The following SPATS2L variants were observed in gnomAD, a reference collection of about 807,000 sequenced individuals.
SPATS2L encodes the protein SPATS2-like protein.
Under a neutral mutation model 59.6 loss-of-function variants are expected in SPATS2L, and 30 were observed. The ratio of observed to expected loss-of-function variants is 0.50; its 90% CI spans 0.38 to 0.68. SPATS2L has a LOEUF of 0.68. SPATS2L is among the 30% of genes least tolerant of loss of function. The pLI is 0.00. For synonymous variants in SPATS2L, 252 were observed against 263.5 expected (o/e 0.96, Z 0.42); for missense variants, 615 against 700.0 (o/e 0.88, Z 1.37).
intron 4 of SPATS2L, among the ~76,000 whole-genome samples, chr2:200,412,635 A>G (rs935742944): frequency 6.6e-6 from 1 of 151,758 alleles, no homozygotes; most frequent in African/African-American, 2.4e-5. Context: ...GACACACTCA[A>G]TAAGAATAGA....
chr2:200,369,761 C>T (rs980975453), intron 2 of SPATS2L, among the ~76,000 whole-genome samples: 3 of 151,890 alleles, frequency 2.0e-5, no homozygotes, highest in East Asian at 3.9e-4. Context: ...CTAGTGATGT[C>T]GAGTTTTGTG....
In SPATS2L at chr2:200,418,626, G is replaced by A. The variant is rs143653379; in HGVS notation, c.199-624G>A. On this transcript the variant is annotated intron_variant, in intron 5 of 12. Transcript: ENST00000409140. The stretch of plus-strand genomic sequence containing the variant: ...AAATAAATAAATAAATAATCATGGG[G>A]ATGATTATGGATCCTGTGGCTACCT... Among the ~76,000 whole-genome samples the A allele has an allele frequency of 1.4e-3, 201 of 141,282 alleles. 4 individuals are homozygous for A. In the East Asian group the frequency reaches 0.038, roughly 27 times the overall value. The allele number at this position is 141,282 out of a possible 152,430, so 92.7% of individuals were successfully genotyped here.
intron 2 of SPATS2L, among the ~76,000 whole-genome samples, chr2:200,338,051 G>T (rs1248442294): frequency 2.6e-5 from 4 of 152,082 alleles, no homozygotes; most frequent in African/African-American, 4.8e-5. Context: ...TTGAGACGGG[G>T]TCTCACTCTG....
In SPATS2L at chr2:200,479,803, A is replaced by T; in HGVS notation, c.*1772A>T. 2.5e-6 allele frequency: 1 copy of T among 398,612 alleles called. No individual in the cohort carries two copies. The allele number at this position is 398,612 out of a possible 1,614,324, so 24.7% of individuals were successfully genotyped here. On this transcript the variant is annotated 3_prime_UTR_variant, in exon 13 of 13. Coordinates refer to ENST00000409140, the MANE Select transcript of SPATS2L (RefSeq NM_001100423.2). ...AGCTGAGCCTGCAAGCCACGCAAGC[A>T]TCTGTTTCTTCTTTTGCCAAGTACA...
At chr2:200,397,440 G>C (rs1440739506) in intron 3 of SPATS2L, among the ~76,000 whole-genome samples, 1 of 152,076 alleles carries the variant, frequency 6.6e-6, no homozygotes, top group Non-Finnish European at 1.5e-5. Flanking sequence ...TCCTAACCTT[G>C]TACACTGGAA....
rs940684937 is a variant in SPATS2L at position 200,472,656 on chromosome 2, G to A, written c.1061-176G>A. Among the ~76,000 whole-genome samples the A allele has an allele frequency of 4.6e-5, 7 of 152,220 alleles. No homozygotes were observed. In the East Asian group the frequency reaches 7.7e-4, roughly 17 times the overall value. On this transcript the variant is annotated intron_variant, in intron 11 of 12. Transcript: ENST00000409140. ...TCAGTGATTCCCACAAAAGAAATTT[G>A]GTTGTTCTCTTAAGCACCAAGATGC... is the stretch of plus-strand genomic sequence containing the variant.
At chr2:200,389,448 A>T (rs4674015) in intron 3 of SPATS2L, 165 bp downstream of exon 3, 1 of 534,382 alleles carries the variant, frequency 1.9e-6, no homozygotes, top group South Asian at 2.9e-5. Context: ...CATAAGTAAC[A>T]TTTACTGAAA....
intron 4 of SPATS2L, among the ~76,000 whole-genome samples, chr2:200,412,888 T>TAA (rs138416380): frequency 0.02 from 2,970 of 151,582 alleles, 88 homozygotes; most frequent in African/African-American, 0.063. Context: ...CCCGTCTCTA[T>TAA]AAAAAAATAT....
In SPATS2L at chr2:200,372,090, C is replaced by T. The variant is rs2081444334; in HGVS notation, c.-22-17133C>T. ...TAGGTATCAGCTGGACTTGACTTGG[C>T]TTCAATTTTTGCTTCAAGCTTTCAG... On this transcript the variant is annotated intron_variant, in intron 2 of 12. Coordinates refer to ENST00000409140, the MANE Select transcript of SPATS2L (RefSeq NM_001100423.2). The T allele has an allele frequency of 8.1e-6, 8 of 985,352 alleles. No homozygotes were observed. The South Asian group carries it at 3.3e-4, about 41-fold the overall frequency. The allele number at this position is 985,352 out of a possible 1,614,324, so 61.0% of individuals were successfully genotyped here. A position where few individuals can be genotyped will look rare whatever the true frequency, so the allele number is the denominator to read the frequency against.
Position 200,443,971 on chromosome 2 carries a change from T to C in SPATS2L, c.788+3187T>C, listed in dbSNP as rs114754922. Among the ~76,000 whole-genome samples, 342 of 152,330 alleles carry C rather than the reference T, an allele frequency of 2.2e-3. 2 individuals carry two copies. The highest frequency in any genetic ancestry group is 9.0e-3 in the Admixed American group (137 of 15,302). On this transcript the variant is annotated intron_variant, in intron 8 of 12. Coordinates refer to ENST00000409140, the MANE Select transcript of SPATS2L (RefSeq NM_001100423.2). The stretch of plus-strand genomic sequence containing the variant: ...GGCATTTAAGCAGGATACAGTTACG[T>C]AGGCTGCATGACCATAACAGAGCAT...
chr2:200,477,774 C>G lies in SPATS2L; in HGVS notation c.1420C>G (p.Gln474Glu). 1 of 1,581,352 alleles carries G rather than the reference C, an allele frequency of 6.3e-7. No homozygotes were observed. Among genetic ancestry groups the G allele is most frequent in the Non-Finnish European group, 8.6e-7 (1 of 1,163,562 alleles). Residue 474 changes from glutamine (Q) to glutamate (E), a missense_variant, in exon 13 of 13, where the codon CAG becomes GAG. This residue lies in a region of SPATS2L where 284 missense variants were observed against 280.1 expected (regional missense o/e 1.01). Transcript: ENST00000409140. ...KGNSRHEHRR[Q>E]PHNGFRPKNK... is the part of the protein sequence containing the mutation. ...CAACAGCCGCCACGAACACAGAAGACAGCCGCACAACGGCTTCCGGCCCAA... is the reference window on the plus strand; with the variant it reads ...CAACAGCCGCCACGAACACAGAAGAGAGCCGCACAACGGCTTCCGGCCCAA...
At chr2:200,374,706 C>G (rs975734732) in intron 2 of SPATS2L, among the ~76,000 whole-genome samples, 4 of 152,256 alleles carry the variant, frequency 2.6e-5, no homozygotes, top group African/African-American at 9.6e-5. Flanking sequence ...TTATTTGTCT[C>G]TACGAATCGG....
chr2:200,360,427 T>C (rs1284011844), intron 2 of SPATS2L, among the ~76,000 whole-genome samples: 1 of 152,120 alleles, frequency 6.6e-6, no homozygotes, highest in Non-Finnish European at 1.5e-5. Context: ...ACAGGCAGAG[T>C]GGGACATTAC....
At chr2:200,448,057 A>G (rs769413782) in intron 8 of SPATS2L, among the ~76,000 whole-genome samples, 2 of 152,036 alleles carry the variant, frequency 1.3e-5, no homozygotes, top group Non-Finnish European at 2.9e-5. Context: ...AGGTGGGAGG[A>G]TCATTTGAGC....
chr2:200,344,779 G>A (rs1417259258), intron 2 of SPATS2L, among the ~76,000 whole-genome samples: 2 of 152,076 alleles, frequency 1.3e-5, no homozygotes, highest in Admixed American at 6.6e-5. Context: ...ATGTGAGATG[G>A]TATCTCATTG....
At chr2:200,420,370 T>C (rs2083259493) in intron 6 of SPATS2L, among the ~76,000 whole-genome samples, 1 of 152,148 alleles carries the variant, frequency 6.6e-6, no homozygotes, top group Non-Finnish European at 1.5e-5. Flanking sequence ...CAGGAAAAAC[T>C]AAAATAGAAG....
At chr2:200,380,107 C>T (rs559114078) in intron 2 of SPATS2L, among the ~76,000 whole-genome samples, 61 of 152,202 alleles carry the variant, frequency 4.0e-4, no homozygotes, top group African/African-American at 1.4e-3. Flanking sequence ...AAAACCATGC[C>T]GTAGGTGAAT....
intron 8 of SPATS2L, among the ~76,000 whole-genome samples, chr2:200,452,882 G>A (rs1055418707): frequency 2.2e-4 from 21 of 95,976 alleles, no homozygotes; most frequent in African/African-American, 7.3e-4. Context: ...TTTGTCACCA[G>A]TGCTGCATTT....
chr2:200,423,683 T>C (rs1179688729), intron 6 of SPATS2L, among the ~76,000 whole-genome samples: 1 of 151,794 alleles, frequency 6.6e-6, no homozygotes, highest in Non-Finnish European at 1.5e-5. Context: ...CTTGAGTGAG[T>C]TCACAGCATA....
Sources: gnomAD v4.1 joint callset for allele counts (sites outside exome capture counted in the v4.1 genomes callset) on GRCh38, gnomAD v4.1.1 for gene constraint, gnomAD v4.1.1 regional missense constraint, MANE v1.5 for transcripts, NCBI Gene and HGNC (gene_info 2026-07-23, HGNC 2026-07-21) for gene names.